The following MARCHF1 variants were observed in gnomAD, a reference collection of about 807,000 sequenced individuals.
The protein encoded by MARCHF1 is membrane associated ring-CH-type finger 1, also known as E3 ubiquitin-protein ligase MARCHF1.
In MARCHF1, 40 loss-of-function variants were observed where a neutral mutation model predicts 54.2. The observed-to-expected ratio is 0.74, with a 90% confidence interval of 0.57 to 0.96. MARCHF1 has a LOEUF of 0.96. Ranked by LOEUF, MARCHF1 falls within the 40% of genes least tolerant of loss-of-function variation. The probability of loss-of-function intolerance (pLI) is 0.00; values close to 1 mark genes in which losing one functional copy is unlikely to be tolerated. For missense variants in MARCHF1, 586 were observed against 656.5 expected (o/e 0.89, Z 1.17); for synonymous variants, 236 against 236.3 (o/e 1.00, Z 0.01).
intron 4 of MARCHF1, among the ~76,000 whole-genome samples, chr4:163,796,052 G>A (rs1747905396): frequency 6.6e-6 from 1 of 152,056 alleles, no homozygotes; most frequent in Non-Finnish European, 1.5e-5. Context: ...GTAGGCGGAA[G>A]AGGAGGAGCA....
chr4:164,181,473 G>A (rs1025817241), intron 1 of MARCHF1, among the ~76,000 whole-genome samples: 22 of 152,126 alleles, frequency 1.4e-4, no homozygotes, highest in Non-Finnish European at 2.5e-4. Context: ...CTAATTTCAC[G>A]CTAGGGAATA....
Position 163,600,087 on chromosome 4 carries a change from A to T in MARCHF1, c.1010+12184T>A, listed in dbSNP as rs1261049508. 2.6e-5 allele frequency among the ~76,000 whole-genome samples: 4 copies of T among 152,236 alleles called. No individual in the cohort carries two copies. In the East Asian group the frequency reaches 7.7e-4, roughly 29 times the overall value. On this transcript the variant is annotated intron_variant, in intron 7 of 9. Transcript: ENST00000514618. ...TTCTGGTGTGTCTAAATTATAAGAG[A>T]TACACTCAAGTAGACCTCCTGTTCC...
At chr4:164,173,725 C>T (rs1045255902) in intron 1 of MARCHF1, among the ~76,000 whole-genome samples, 1 of 152,120 alleles carries the variant, frequency 6.6e-6, no homozygotes, top group Admixed American at 6.5e-5. Context: ...ATGTCTGCTC[C>T]CACTTTGCCT....
At chr4:164,166,472 A>G (rs1470915284) in intron 1 of MARCHF1, among the ~76,000 whole-genome samples, 2 of 152,022 alleles carry the variant, frequency 1.3e-5, no homozygotes, top group Non-Finnish European at 2.9e-5. Context: ...AACTCTTAAC[A>G]CTTTAGCTCT....
intron 2 of MARCHF1, among the ~76,000 whole-genome samples, chr4:164,102,909 G>A (rs1474031509): frequency 2.8e-5 from 3 of 105,956 alleles, no homozygotes; most frequent in African/African-American, 1.2e-4. Flanking sequence ...AAAATAAAAG[G>A]ATGGAGGAAG....
At chr4:164,150,113 A>C (rs2110904037) in intron 1 of MARCHF1, among the ~76,000 whole-genome samples, 1 of 152,328 alleles carries the variant, frequency 6.6e-6, no homozygotes, top group South Asian at 2.1e-4. Context: ...ATGTGCACAC[A>C]ATTAGAAAGT....
At chr4:163,927,019 C>T (rs1247982764) in intron 3 of MARCHF1, among the ~76,000 whole-genome samples, 2 of 151,670 alleles carry the variant, frequency 1.3e-5, no homozygotes, top group South Asian at 2.1e-4. Context: ...TATCAAAATG[C>T]TACATACACT....
At chr4:164,226,477 C>T (rs1456242780) in intron 1 of MARCHF1, among the ~76,000 whole-genome samples, 1 of 151,718 alleles carries the variant, frequency 6.6e-6, no homozygotes, top group Non-Finnish European at 1.5e-5. Context: ...CACAAGGAAG[C>T]CTCCCAAAAT....
intron 2 of MARCHF1, among the ~76,000 whole-genome samples, chr4:164,094,069 T>C (rs1038271028): frequency 1.3e-5 from 2 of 152,134 alleles, no homozygotes; most frequent in African/African-American, 2.4e-5. Context: ...AAGAGAAATA[T>C]GTAACATAGA....
chr4:164,356,593 T>A (rs1730545352), intron 1 of MARCHF1, among the ~76,000 whole-genome samples: 1 of 135,626 alleles, frequency 7.4e-6, no homozygotes, highest in Non-Finnish European at 1.6e-5. Context: ...ATGAAGGGGA[T>A]CACACTCTGG....
At chr4:163,981,484 A>G (rs796229573) in intron 3 of MARCHF1, among the ~76,000 whole-genome samples, 1 of 152,156 alleles carries the variant, frequency 6.6e-6, no homozygotes, top group Non-Finnish European at 1.5e-5. Flanking sequence ...TCAATTATTT[A>G]ACAGGGTCGC....
chr4:163,613,510 T>C (rs776130343), intron 5 of MARCHF1, 117 bp from the exon 6 acceptor site: 1 of 1,609,974 alleles, frequency 6.2e-7, no homozygotes, highest in Non-Finnish European at 8.5e-7. Flanking sequence ...GTCATGTTGC[T>C]TATAATGCAG....
chr4:163,910,077 G>A (rs1451275455), intron 3 of MARCHF1, among the ~76,000 whole-genome samples: 6 of 148,110 alleles, frequency 4.1e-5, no homozygotes, highest in Admixed American at 1.3e-4. Context: ...TACAATATTC[G>A]AAGCATAGTC....
intron 3 of MARCHF1, among the ~76,000 whole-genome samples, chr4:163,925,377 T>A (rs1365426835): frequency 1.3e-5 from 2 of 151,846 alleles, no homozygotes; most frequent in East Asian, 3.8e-4. Flanking sequence ...AATACCTGAA[T>A]GTACTATGTA....
intron 1 of MARCHF1, among the ~76,000 whole-genome samples, chr4:164,143,706 C>T (rs551750836): frequency 1.8e-4 from 27 of 152,244 alleles, no homozygotes; most frequent in South Asian, 1.0e-3. Context: ...CGATACCAGC[C>T]GCTGCAAAAT....
chr4:163,623,587 T>C (rs1462899592), intron 5 of MARCHF1, among the ~76,000 whole-genome samples: 1 of 152,172 alleles, frequency 6.6e-6, no homozygotes, highest in East Asian at 1.9e-4. Flanking sequence ...TGAGAGCTTG[T>C]GGATAAGAGA....
intron 4 of MARCHF1, among the ~76,000 whole-genome samples, chr4:163,799,422 A>G (rs1385840689): frequency 6.6e-6 from 1 of 152,166 alleles, no homozygotes; most frequent in African/African-American, 2.4e-5. Context: ...TAAAAAGTTA[A>G]TATAATGTCT....
chr4:164,371,802 G>A (rs1050407978), intron 1 of MARCHF1, among the ~76,000 whole-genome samples: 1 of 152,126 alleles, frequency 6.6e-6, no homozygotes, highest in Admixed American at 6.6e-5. Flanking sequence ...GATAGAAACT[G>A]CTCTCTTAAT....
chr4:164,094,418 A>T (rs1436485098), intron 2 of MARCHF1, among the ~76,000 whole-genome samples: 3 of 152,122 alleles, frequency 2.0e-5, no homozygotes, highest in Non-Finnish European at 4.4e-5. Flanking sequence ...AAGTTGGCCC[A>T]AAAAGAGACG....
Sources: allele counts gnomAD v4.1 joint callset (sites outside exome capture counted in the v4.1 genomes callset), GRCh38; gene constraint gnomAD v4.1.1; transcripts MANE v1.5; gene names NCBI Gene and HGNC (gene_info 2026-07-23, HGNC 2026-07-21).